FOXP1: variants seen among roughly 807,000 people sequenced by gnomAD.
FOXP1 encodes forkhead box protein P1.
Under a neutral mutation model 98.2 loss-of-function variants are expected in FOXP1, and 15 were observed. That is an observed-to-expected ratio of 0.15 (90% CI 0.10 to 0.24). FOXP1 has a LOEUF of 0.24. Among genes scored for constraint, FOXP1 ranks in the 10% least tolerant of loss-of-function variants. FOXP1 has a pLI of 1.00. For missense variants in FOXP1, 633 were observed against 848.5 expected (o/e 0.75, Z 3.15); for synonymous variants, 371 against 314.5 (o/e 1.18, Z -1.90).
chr3:71,261,757 C>T (rs1232251863), intron 5 of FOXP1, among the ~76,000 whole-genome samples: 1 of 151,960 alleles, frequency 6.6e-6, no homozygotes, highest in Non-Finnish European at 1.5e-5. Flanking sequence ...CTCGAGGGGA[C>T]GGAGGCAGAA....
At chr3:71,363,085 A>C (rs1304130317) in intron 3 of FOXP1, among the ~76,000 whole-genome samples, 3 of 152,022 alleles carry the variant, frequency 2.0e-5, no homozygotes, top group Admixed American at 1.3e-4. Flanking sequence ...GGTGATTATA[A>C]TCCTAAAATA....
chr3:71,124,981 C>G (rs1411632538), intron 6 of FOXP1, among the ~76,000 whole-genome samples: 1 of 152,138 alleles, frequency 6.6e-6, no homozygotes, highest in Non-Finnish European at 1.5e-5. Context: ...AAACTGAGGA[C>G]AAGAGGGGTA....
chr3:71,113,840 G>C (rs1288163521), intron 6 of FOXP1, among the ~76,000 whole-genome samples: 1 of 151,780 alleles, frequency 6.6e-6, no homozygotes, highest in African/African-American at 2.4e-5. Context: ...TTAAGAACAG[G>C]AATACTGGCT....
chr3:71,348,506 AGTGT>A (rs200279807), intron 4 of FOXP1, among the ~76,000 whole-genome samples: 2 of 90,458 alleles, frequency 2.2e-5, no homozygotes, highest in African/African-American at 3.7e-5. Context: ...TGCTGTGTTC[AGTGT>A]GTGTGTGTGT....
At chr3:71,485,347 C>G (rs2090570142) in intron 3 of FOXP1, among the ~76,000 whole-genome samples, 1 of 152,208 alleles carries the variant, frequency 6.6e-6, no homozygotes, top group African/African-American at 2.4e-5. Context: ...CTAGATTTAT[C>G]AAGCTTCTGC....
intron 6 of FOXP1, among the ~76,000 whole-genome samples, chr3:71,148,196 G>C (rs893683377): frequency 1.3e-5 from 2 of 152,190 alleles, no homozygotes; most frequent in Non-Finnish European, 2.9e-5. Flanking sequence ...GGCCAACATG[G>C]CGAAACCTTG....
intron 6 of FOXP1, among the ~76,000 whole-genome samples, chr3:71,140,001 C>T (rs1211510635): frequency 6.6e-6 from 1 of 152,126 alleles, no homozygotes; most frequent in Non-Finnish European, 1.5e-5. Context: ...GTGTTTATTT[C>T]AGTCTAAAGA....
At chr3:71,152,374 C>T (rs1000991819) in intron 6 of FOXP1, among the ~76,000 whole-genome samples, 4 of 152,188 alleles carry the variant, frequency 2.6e-5, no homozygotes, top group South Asian at 2.1e-4. Flanking sequence ...GAAAACCAGG[C>T]CTGGCCTCCA....
intron 1 of FOXP1, chr3:71,582,575 G>C (rs1055172267): frequency 6.6e-5 from 65 of 985,446 alleles, no homozygotes; most frequent in Non-Finnish European, 1.2e-6. Flanking sequence ...GGACAAATCG[G>C]AGCTTGGGAA....
intron 3 of FOXP1, among the ~76,000 whole-genome samples, chr3:71,383,439 A>G (rs1353543925): frequency 6.6e-6 from 1 of 152,254 alleles, no homozygotes; most frequent in Admixed American, 6.5e-5. Context: ...GTCTAGTATC[A>G]GAAAATAAGT....
chr3:71,285,583 C>G (rs1333511210), intron 5 of FOXP1, among the ~76,000 whole-genome samples: 1 of 152,012 alleles, frequency 6.6e-6, no homozygotes, highest in Non-Finnish European at 1.5e-5. Context: ...TTGTAAATTC[C>G]CTTAACATAG....
chr3:71,440,723 G>A (rs1050508654), intron 3 of FOXP1, among the ~76,000 whole-genome samples: 2 of 151,444 alleles, frequency 1.3e-5, no homozygotes, highest in Non-Finnish European at 2.9e-5. Context: ...TAGTTATCCA[G>A]GCATGCTGGC....
At chr3:71,404,687 T>C (rs2082193794) in intron 3 of FOXP1, among the ~76,000 whole-genome samples, 1 of 152,192 alleles carries the variant, frequency 6.6e-6, no homozygotes, top group South Asian at 2.1e-4. Flanking sequence ...AAATCCAGCA[T>C]ACAATTTACA....
intron 5 of FOXP1, among the ~76,000 whole-genome samples, chr3:71,270,631 T>C (rs2070252448): frequency 6.6e-6 from 1 of 151,956 alleles, no homozygotes; most frequent in Admixed American, 6.6e-5. Flanking sequence ...GGGATGAGAG[T>C]TTTATCCTGT....
intron 2 of FOXP1, among the ~76,000 whole-genome samples, chr3:71,522,981 C>G (rs913833385): frequency 1.3e-5 from 2 of 152,088 alleles, no homozygotes; most frequent in African/African-American, 4.8e-5. Context: ...AAGGTGGATC[C>G]GAATGTGACC....
intron 6 of FOXP1, chr3:71,130,474 G>T (rs2059499266): frequency 5.0e-6 from 8 of 1,596,080 alleles, no homozygotes; most frequent in Non-Finnish European, 6.8e-6. Context: ...GCAAAAAAAT[G>T]TTTCTTTTTC....
chr3:71,400,132 T>C (rs2081852484), intron 3 of FOXP1, among the ~76,000 whole-genome samples: 1 of 152,166 alleles, frequency 6.6e-6, no homozygotes, highest in Non-Finnish European at 1.5e-5. Flanking sequence ...GGTTTGGGGC[T>C]GAACCCATTA....
At chr3:71,258,081 C>T (rs765963962) in intron 5 of FOXP1, among the ~76,000 whole-genome samples, 1 of 152,116 alleles carries the variant, frequency 6.6e-6, no homozygotes, top group African/African-American at 2.4e-5. Context: ...GCTCTGGGCA[C>T]ACAAAAATAA....
intron 4 of FOXP1, among the ~76,000 whole-genome samples, chr3:71,337,156 G>C (rs2076737228): frequency 6.6e-6 from 1 of 152,194 alleles, no homozygotes; most frequent in Non-Finnish European, 1.5e-5. Context: ...GTTGTTTTTG[G>C]AAAGGGCTGT....
Sources: allele counts gnomAD v4.1 joint callset (sites outside exome capture counted in the v4.1 genomes callset), GRCh38; gene constraint gnomAD v4.1.1; transcripts MANE v1.5; gene names NCBI Gene and HGNC (gene_info 2026-07-23, HGNC 2026-07-21).